Variants in ITIH5 observed in about 807,000 individuals in gnomAD.
ITIH5 encodes inter-alpha-trypsin inhibitor heavy chain H5.
In ITIH5, 65 loss-of-function variants were observed where a neutral mutation model predicts 77.5. That is an observed-to-expected ratio of 0.84 (90% CI 0.69 to 1.03). ITIH5 has a LOEUF of 1.03. Among genes scored for constraint, ITIH5 ranks in the 50% least tolerant of loss-of-function variants. The probability of loss-of-function intolerance (pLI) is 0.00; values close to 1 mark genes in which losing one functional copy is unlikely to be tolerated. For synonymous variants in ITIH5, 525 were observed against 494.3 expected (o/e 1.06, Z -0.82); for missense variants, 1,208 against 1,213.1 (o/e 1.00, Z 0.06).
At chr10:7,610,189 C>G (rs1303132627) in intron 7 of ITIH5, among the ~76,000 whole-genome samples, 1 of 149,570 alleles carries the variant, frequency 6.7e-6, no homozygotes, top group Non-Finnish European at 1.5e-5. Flanking sequence ...ACAAACTCAT[C>G]TGCAAAAGCA....
intron 13 of ITIH5, among the ~76,000 whole-genome samples, chr10:7,565,219 A>C (rs1832123678): frequency 6.7e-6 from 1 of 150,066 alleles, no homozygotes; most frequent in Admixed American, 6.7e-5. Flanking sequence ...CACACATCAT[A>C]CATACATATA....
chr10:7,573,219 A>G, intron 10 of ITIH5, 24 bp from the exon 11 acceptor site: 1 of 1,596,414 alleles, frequency 6.3e-7, no homozygotes. Context: ...GGAAGAGAAC[A>G]TCATGGTCAT....
At chr10:7,660,545 C>T (rs1247002241) in intron 1 of ITIH5, among the ~76,000 whole-genome samples, 1 of 152,152 alleles carries the variant, frequency 6.6e-6, no homozygotes, top group Non-Finnish European at 1.5e-5. Context: ...AATCTCCAAA[C>T]CTACCCCGTT....
At chr10:7,623,887 C>T (rs1181803945) in intron 5 of ITIH5, among the ~76,000 whole-genome samples, 3 of 151,566 alleles carry the variant, frequency 2.0e-5, no homozygotes, top group East Asian at 1.9e-4. Flanking sequence ...CTTCCCCCTA[C>T]GTGAATGTTT....
intron 3 of ITIH5, among the ~76,000 whole-genome samples, chr10:7,641,680 A>AGGAGGGAG (rs374173121): frequency 1.4e-5 from 1 of 70,434 alleles, no homozygotes; most frequent in Admixed American, 1.8e-4. Flanking sequence ...GAGGCAGGGA[A>AGGAGGGAG]GGAGGGAGGG....
At chr10:7,564,837 A>G (rs1466538413) in intron 13 of ITIH5, among the ~76,000 whole-genome samples, 3 of 151,254 alleles carry the variant, frequency 2.0e-5, no homozygotes, top group Non-Finnish European at 4.4e-5. Context: ...TAGACTGTAT[A>G]CATACATACA....
At chr10:7,610,501 C>T (rs536266112) in intron 7 of ITIH5, among the ~76,000 whole-genome samples, 20 of 152,244 alleles carry the variant, frequency 1.3e-4, no homozygotes, top group Middle Eastern at 3.4e-3. Flanking sequence ...CTTTCAGGCC[C>T]GTCAAAGACG....
At chr10:7,593,263 G>C (rs1049570743) in intron 7 of ITIH5, among the ~76,000 whole-genome samples, 3 of 152,002 alleles carry the variant, frequency 2.0e-5, no homozygotes, top group Non-Finnish European at 4.4e-5. Flanking sequence ...CCTCCCGGTG[G>C]CTCCATTCCC....
rs192410793 is a variant in ITIH5 at position 7,612,314 on chromosome 10, A to G, written c.939+3668T>C. Reference sequence around the variant, plus strand: ...ACTATGCAAATTTAAATTTATTAAAATTAAAAATTCAGTTCCTCACTTCCA... The same window carrying G: ...ACTATGCAAATTTAAATTTATTAAAGTTAAAAATTCAGTTCCTCACTTCCA... On this transcript the variant is annotated intron_variant, in intron 7 of 13. Transcript: ENST00000397146. Among the ~76,000 whole-genome samples, 367 of 152,334 alleles carry G rather than the reference A, an allele frequency of 2.4e-3. 2 individuals carry two copies. The highest frequency in any genetic ancestry group is 8.1e-3 in the African/African-American group (337 of 41,584).
intron 10 of ITIH5, among the ~76,000 whole-genome samples, chr10:7,576,143 G>C (rs1001732671): frequency 2.6e-5 from 4 of 152,028 alleles, no homozygotes; most frequent in African/African-American, 9.7e-5. Context: ...TCCTTCCTCA[G>C]CCTCCTGAGT....
At chr10:7,628,765 ATGTTGTAGCGTGTG>A (rs1833637252) in intron 5 of ITIH5, among the ~76,000 whole-genome samples, 1 of 99,684 alleles carries the variant, frequency 1.0e-5, no homozygotes, top group Non-Finnish European at 2.2e-5. Flanking sequence ...GCGTGTGTCC[ATGTTGTAGCGTGTG>A]TCCATGTTAT....
Position 7,617,326 on chromosome 10 carries a change from T to A in ITIH5, c.653-44A>T. 2.3e-6 allele frequency: 3 copies of A among 1,282,072 alleles called. No homozygotes were observed. In the South Asian group the frequency reaches 5.7e-5, roughly 24 times the overall value. The allele number at this position is 1,282,072 out of a possible 1,614,324, so 79.4% of individuals were successfully genotyped here. The stretch of plus-strand genomic sequence containing the variant: ...CATAATTAATAACTTAATATATATT[T>A]TTCCAAAAAGAAATAAAAACTGTTT... On this transcript the variant is annotated intron_variant, in intron 5 of 13. Transcript: ENST00000397146.
At chr10:7,596,702 C>G (rs1442430283) in intron 7 of ITIH5, among the ~76,000 whole-genome samples, 1 of 152,038 alleles carries the variant, frequency 6.6e-6, no homozygotes, top group African/African-American at 2.4e-5. Flanking sequence ...CCACACAGTT[C>G]TTTTGAATGA....
At chr10:7,599,119 A>AT (rs540394915) in intron 7 of ITIH5, among the ~76,000 whole-genome samples, 1 of 152,210 alleles carries the variant, frequency 6.6e-6, no homozygotes, top group African/African-American at 2.4e-5. Flanking sequence ...AGGCAAATCC[A>AT]TTTTTTATAG....
chr10:7,629,829 T>C (rs1377273098), intron 5 of ITIH5, among the ~76,000 whole-genome samples: 1 of 152,222 alleles, frequency 6.6e-6, no homozygotes, highest in Non-Finnish European at 1.5e-5. Flanking sequence ...TTTGAATATA[T>C]ACCCAGAGGA....
rs565612551 is a variant in ITIH5 at position 7,562,228 on chromosome 10, G to A, written c.*855C>T. The A allele has an allele frequency of 6.6e-6, 1 of 152,340 alleles. No homozygotes were observed. Among genetic ancestry groups the A allele is most frequent in the East Asian group, 1.9e-4 (1 of 5,186 alleles). The allele number at this position is 152,340 out of a possible 1,614,324, so 9.4% of individuals were successfully genotyped here. A position where few individuals can be genotyped will look rare whatever the true frequency, so the allele number is the denominator to read the frequency against. On this transcript the variant is annotated 3_prime_UTR_variant, in exon 14 of 14. Coordinates refer to ENST00000397146, the MANE Select transcript of ITIH5 (RefSeq NM_030569.7). ...TCTGGGAACTATGACAAAGGCTGGA[G>A]AGCTCCAAGTAAAAGATGCATCATT...
intron 7 of ITIH5, among the ~76,000 whole-genome samples, chr10:7,606,718 C>A (rs1350713337): frequency 6.6e-6 from 1 of 152,102 alleles, no homozygotes; most frequent in Non-Finnish European, 1.5e-5. Context: ...TGTATATGTG[C>A]CTCTTAAACC....
At position 7,576,651 on chromosome 10, in the gene ITIH5, C is replaced by T. The variant is rs150174865; in HGVS notation, c.1780G>A (p.Asp594Asn). The T allele has an allele frequency of 2.8e-5, 45 of 1,614,186 alleles. No homozygotes were observed. The highest frequency in any genetic ancestry group is 8.0e-5 in the African/African-American group (6 of 75,066). The change falls in exon 10 of 14, where the codon GAT becomes AAT. Residue 594 changes from aspartate to asparagine, a missense_variant. Asp to Asn is a conservative substitution (Grantham distance 23). Transcript: ENST00000397146. ...CGCAGCCGCTCCTTCTCCGGTTCAT[C>T]GTCACTTTGCAGCCAGGAGCTCAGC... is the stretch of plus-strand genomic sequence containing the variant. Reference protein sequence around the residue: ...ELLSSWLQSDDEPEKERLRQR... With the variant: ...ELLSSWLQSDNEPEKERLRQR...
intron 7 of ITIH5, among the ~76,000 whole-genome samples, chr10:7,606,785 A>G (rs964268413): frequency 2.6e-5 from 4 of 152,206 alleles, no homozygotes; most frequent in African/African-American, 9.7e-5. Flanking sequence ...TACCTCTAAG[A>G]TATACTTCAT....
Sources: gnomAD v4.1 joint callset for allele counts (sites outside exome capture counted in the v4.1 genomes callset) on GRCh38, gnomAD v4.1.1 for gene constraint, MANE v1.5 for transcripts, NCBI Gene and HGNC (gene_info 2026-07-23, HGNC 2026-07-21) for gene names.